ZNF284: variants seen among roughly 807,000 people sequenced by gnomAD.
ZNF284 encodes the protein zinc finger protein 284.
ZNF284 carries 12 observed loss-of-function variants against 12.9 expected under a neutral mutation model. The observed-to-expected ratio is 0.93, with a 90% CI of 0.60 to 1.51. The LOEUF (loss-of-function observed/expected upper bound fraction) is 1.51. Ranked by LOEUF, ZNF284 falls within the 40% of genes most tolerant of loss-of-function variation. The pLI is 0.00. For synonymous variants in ZNF284, 225 were observed against 236.5 expected, an observed-to-expected ratio of 0.95 and a Z score of 0.45; for missense variants, 667 against 707.3, an observed-to-expected ratio of 0.94 and a Z score of 0.65.
At chr19:44,075,409 A>G (rs1029274580) in intron 1 of ZNF284, among the ~76,000 whole-genome samples, 1 of 152,228 alleles carries the variant, frequency 6.6e-6, no homozygotes, top group Non-Finnish European at 1.5e-5. Flanking sequence ...TAGAGTATGC[A>G]TGATTGGCAG....
At chr19:44,083,160 C>T (rs550237300) in intron 4 of ZNF284, among the ~76,000 whole-genome samples, 19 of 152,108 alleles carry the variant, frequency 1.2e-4, no homozygotes, top group Admixed American at 5.2e-4. Context: ...ACCAGCCGGG[C>T]GTGGTGGCTC....
At position 44,086,778 on chromosome 19, in the gene ZNF284, A is replaced by G. The variant is rs1392153553; in HGVS notation, c.1300A>G (p.Lys434Glu). Residue 434 changes from lysine to glutamate, a missense_variant, in exon 5 of 5, where the codon AAG becomes GAG. Coordinates refer to ENST00000421176, the MANE Select transcript of ZNF284 (RefSeq NM_001037813.4). ...ACTGTATAAATGTCAGAAGTGTGGG[A>G]AGGGCTACATTAGTAAGTTTAATCT... ...EELYKCQKCG[K>E]GYISKFNLDL... is the part of the protein sequence containing the mutation. 6.2e-7 allele frequency: 1 copy of G among 1,614,190 alleles called. No homozygotes were observed. The highest frequency in any genetic ancestry group is 1.1e-5 in the South Asian group (1 of 91,086).
chr19:44,082,188 G>T, intron 4 of ZNF284, 83 bp downstream of exon 4: 1 of 1,114,802 alleles, frequency 9.0e-7, no homozygotes, highest in African/African-American at 1.6e-5. Flanking sequence ...CCATTGCCCT[G>T]GTATAAATGG....
Position 44,082,084 on chromosome 19 carries a change from A to T in ZNF284, c.214A>T (p.Thr72Ser). The T allele has an allele frequency of 6.2e-7, 1 of 1,613,632 alleles. No homozygotes were observed. Among genetic ancestry groups the T allele is most frequent in the Non-Finnish European group, 8.5e-7 (1 of 1,179,756 alleles). The change falls in exon 4 of 5, where the codon ACC becomes TCC. Residue 72 changes from threonine (T) to serine (S), a missense_variant. By Grantham distance (58) the Thr-to-Ser change is moderately conservative. Transcript: ENST00000421176. ...AAAGTTTTGGATCATGGAGACAGCAACCCAAAGAGAAGGGAATTCAGGTAA... is the reference window on the plus strand; with the variant it reads ...AAAGTTTTGGATCATGGAGACAGCATCCCAAAGAGAAGGGAATTCAGGTAA... ...EEKFWIMETA[T>S]QREGNSGGKI... is the part of the protein sequence containing the mutation.
At chr19:44,079,773 A>G (rs145473435) in intron 2 of ZNF284, among the ~76,000 whole-genome samples, 3 of 152,100 alleles carry the variant, frequency 2.0e-5, no homozygotes, top group African/African-American at 7.2e-5. Context: ...TACTAAAAAT[A>G]CAAAACTAGC....
At chr19:44,073,411 A>G (rs1966977781) in intron 1 of ZNF284, among the ~76,000 whole-genome samples, 1 of 152,202 alleles carries the variant, frequency 6.6e-6, no homozygotes, top group Non-Finnish European at 1.5e-5. Flanking sequence ...TATTTCATTT[A>G]TTACAAATAT....
chr19:44,076,816 TC>T (rs1428139280), intron 2 of ZNF284, among the ~76,000 whole-genome samples: 1 of 110,022 alleles, frequency 9.1e-6, no homozygotes, highest in East Asian at 2.4e-4. Flanking sequence ...GAATTGATGC[TC>T]CTTTTTTTTT....
intron 4 of ZNF284, 145 bp from the exon 5 acceptor site, chr19:44,085,568 CA>C (rs1488030798): frequency 1.4e-6 from 1 of 695,482 alleles, no homozygotes; most frequent in Non-Finnish European, 2.4e-6. Context: ...GGTTTCGTGA[CA>C]ACGAGAGACC....
rs768226424 is a variant in ZNF284 at position 44,086,621 on chromosome 19, G to A, written c.1143G>A (p.Arg381=). The change falls in exon 5 of 5, where the codon AGG becomes AGA. Residue 381 remains arginine (R), a synonymous_variant. Coordinates refer to ENST00000421176, the MANE Select transcript of ZNF284 (RefSeq NM_001037813.4). ...YNCNVCGKGF[R]WSSCLSRHQR... ...GTAATGTATGTGGGAAGGGCTTCAG[G>A]TGGTCCTCATGTCTTTCAAGACATC... The A allele has an allele frequency of 6.2e-7, 1 of 1,614,158 alleles. No individual in the cohort carries two copies. Among genetic ancestry groups the A allele is most frequent in the South Asian group, 1.1e-5 (1 of 91,078 alleles).
chr19:44,085,771 G>A lies in ZNF284; in HGVS notation c.293G>A (p.Trp98Ter), dbSNP rs1370595063. 1 of 1,614,050 alleles carries A rather than the reference G, an allele frequency of 6.2e-7. No individual in the cohort carries two copies. Among genetic ancestry groups the A allele is most frequent in the Middle Eastern group, 1.6e-4 (1 of 6,084 alleles). The change falls in exon 5 of 5, where the codon TGG becomes TAG. Residue 98 changes from tryptophan (W) to a stop codon, truncating the protein, a stop_gained. Coordinates refer to ENST00000421176, the MANE Select transcript of ZNF284 (RefSeq NM_001037813.4). LOFTEE classifies it low-confidence loss of function (END_TRUNC). ...SVPETGPHEEWSCQQIWEQTA... is the reference protein window; with the variant it reads ...SVPETGPHEE ...CCAGAAACAGGACCACATGAAGAGT[G>A]GTCTTGCCAGCAAATCTGGGAACAA...
At chr19:44,084,324 T>C (rs1967191109) in intron 4 of ZNF284, among the ~76,000 whole-genome samples, 1 of 152,190 alleles carries the variant, frequency 6.6e-6, no homozygotes, top group Non-Finnish European at 1.5e-5. Flanking sequence ...CTCTGTGTCA[T>C]GCTCTGGCAC....
chr19:44,077,859 C>A (rs943502943), intron 2 of ZNF284, among the ~76,000 whole-genome samples: 6 of 152,202 alleles, frequency 3.9e-5, no homozygotes, highest in Admixed American at 2.6e-4. Flanking sequence ...TGAGTGATGA[C>A]AACCACTGGT....
intron 1 of ZNF284, among the ~76,000 whole-genome samples, chr19:44,073,883 A>G (rs1966988379): frequency 6.6e-6 from 1 of 152,002 alleles, no homozygotes; most frequent in East Asian, 1.9e-4. Flanking sequence ...ATATTTGCAT[A>G]TTTATTTATA....
intron 1 of ZNF284, 32 bp from the exon 2 acceptor site, chr19:44,076,287 CTTT>C (rs113979105): frequency 1.6e-3 from 1,713 of 1,061,484 alleles, no homozygotes; most frequent in South Asian, 3.9e-3. Context: ...CTTCATGTCT[CTTT>C]TTTTTTTTTT....
rs779202410 is a variant in ZNF284 at position 44,086,219 on chromosome 19, T to G, written c.741T>G (p.Tyr247Ter). 6.2e-7 allele frequency: 1 copy of G among 1,614,242 alleles called. No individual in the cohort carries two copies. Among genetic ancestry groups the G allele is most frequent in the East Asian group, 2.2e-5 (1 of 44,880 alleles). Residue 247 changes from tyrosine (Y) to a stop codon, truncating the protein, a stop_gained, in exon 5 of 5, where the codon TAT becomes TAG. Coordinates refer to ENST00000421176, the MANE Select transcript of ZNF284 (RefSeq NM_001037813.4). LOFTEE classifies it low-confidence loss of function (END_TRUNC). ...GTTTCAGCCGTAGATCAGGAATGTATGTTCATTGCAAATTACACACAGGAG... is the reference window on the plus strand; with the variant it reads ...GTTTCAGCCGTAGATCAGGAATGTAGGTTCATTGCAAATTACACACAGGAG... ...GKSFSRRSGM[Y>*]VHCKLHTGEK...
At chr19:44,082,130 C>T in intron 4 of ZNF284, 25 bp downstream of exon 4, 1 of 1,571,652 alleles carries the variant, frequency 6.4e-7, no homozygotes, top group Non-Finnish European at 8.8e-7. Context: ...ACGATGCATC[C>T]TTGTACGTGA....
At chr19:44,073,845 G>A (rs1185797050) in intron 1 of ZNF284, among the ~76,000 whole-genome samples, 3 of 152,092 alleles carry the variant, frequency 2.0e-5, no homozygotes, top group African/African-American at 7.2e-5. Flanking sequence ...ACCGCACCCG[G>A]TGCATTTCTT....
Position 44,086,698 on chromosome 19 carries a change from G to T in ZNF284, c.1220G>T (p.Arg407Ile), listed in dbSNP as rs192483922. 6,373 of 1,614,114 alleles carry T rather than the reference G, an allele frequency of 3.9e-3. 19 individuals are homozygous for T. Among genetic ancestry groups the T allele is most frequent in the Non-Finnish European group, 4.6e-3 (5,389 of 1,179,976 alleles). ...TTCAAGTGCGACGGATGTGGGAAGA[G>T]ATTTTATATGAATTCACAGGGCCAT... is the stretch of plus-strand genomic sequence containing the variant. ...TTFKCDGCGKRFYMNSQGHSH... is the reference protein window; with the variant it reads ...TTFKCDGCGKIFYMNSQGHSH... Residue 407 changes from arginine (R) to isoleucine (I), a missense_variant, in exon 5 of 5, where the codon AGA becomes ATA. Transcript: ENST00000421176.
intron 3 of ZNF284, 25 bp downstream of exon 3, chr19:44,081,166 G>A: frequency 6.3e-7 from 1 of 1,599,522 alleles, no homozygotes; most frequent in Non-Finnish European, 8.5e-7. Flanking sequence ...CCTCTGTAAT[G>A]GAACATCAGG....
Sources: gnomAD v4.1 joint callset for allele counts (sites outside exome capture counted in the v4.1 genomes callset) on GRCh38, gnomAD v4.1.1 for gene constraint, MANE v1.5 for transcripts, NCBI Gene and HGNC (gene_info 2026-07-23, HGNC 2026-07-21) for gene names.